TEX9: variants seen among roughly 807,000 people sequenced by gnomAD.
TEX9 encodes the protein testis expressed 9.
Under a neutral mutation model 59.6 loss-of-function variants are expected in TEX9, and 74 were observed. That is an observed-to-expected ratio of 1.24 (90% CI 1.03 to 1.51). TEX9 has a LOEUF of 1.51. Among genes scored for constraint, TEX9 ranks in the 40% most tolerant of loss-of-function variants. The probability of loss-of-function intolerance (pLI) is 0.00; values close to 1 mark genes in which losing one functional copy is unlikely to be tolerated. For synonymous variants in TEX9, 186 were observed against 152.2 expected, an observed-to-expected ratio of 1.22 and a Z score of -1.64; for missense variants, 522 against 447.8, an observed-to-expected ratio of 1.17 and a Z score of -1.49.
chr15:56,410,736 G>A (rs1267268775), intron 9 of TEX9, among the ~76,000 whole-genome samples: 3 of 152,176 alleles, frequency 2.0e-5, no homozygotes, highest in Non-Finnish European at 2.9e-5. Flanking sequence ...AGGTTACAAA[G>A]TCATCAGCAG....
intron 2 of TEX9, chr15:56,365,921 A>G: frequency 2.3e-6 from 3 of 1,320,314 alleles, no homozygotes; most frequent in Non-Finnish European, 2.9e-6. Context: ...TTTAAAACGT[A>G]GCCCAAGTAA....
chr15:56,335,865 T>G (rs1372776793), intron 1 of TEX9, among the ~76,000 whole-genome samples: 7 of 152,300 alleles, frequency 4.6e-5, no homozygotes, highest in Non-Finnish European at 1.5e-5. Context: ...TTCTTCATAG[T>G]TTAGAAATAT....
intron 10 of TEX9, among the ~76,000 whole-genome samples, chr15:56,425,852 G>C (rs1165412527): frequency 1.3e-5 from 2 of 152,104 alleles, no homozygotes; most frequent in African/African-American, 4.8e-5. Flanking sequence ...CAGACTGGCT[G>C]CATGCAAGCA....
At position 56,365,465 on chromosome 15, in the gene TEX9, T is replaced by G. The variant is rs774130490; in HGVS notation, c.15T>G (p.Ser5Arg). ...AGTCGCCGAAGATGGCGGGGCGAAG[T>G]CTGTGTCTCACGGTCAGTTCAACTC... The change falls in exon 1 of 13, where the codon AGT (serine) becomes AGG (arginine). Residue 5 changes from serine to arginine, a missense_variant. By Grantham distance (110) the Ser-to-Arg change is moderately radical. Coordinates refer to ENST00000352903, the Ensembl canonical transcript of TEX9. The G allele has an allele frequency of 1.9e-6, 3 of 1,613,350 alleles. No individual in the cohort carries two copies. Among genetic ancestry groups the G allele is most frequent in the African/African-American group, 2.7e-5 (2 of 74,858 alleles).
At chr15:56,362,020 C>A (rs543566414), upstream of TEX9, among the ~76,000 whole-genome samples, 3 of 152,242 alleles carry the variant, frequency 2.0e-5, no homozygotes, top group East Asian at 5.8e-4. Context: ...TACAGCTACC[C>A]TAAACTATAT....
At chr15:56,338,770 T>C (rs1006522753) in intron 1 of TEX9, among the ~76,000 whole-genome samples, 3 of 151,636 alleles carry the variant, frequency 2.0e-5, no homozygotes, top group Admixed American at 1.3e-4. Context: ...TACAAAAAAT[T>C]AGCTGGGCAT....
intron 1 of TEX9, among the ~76,000 whole-genome samples, chr15:56,277,994 T>C (rs2044716805): frequency 6.6e-6 from 1 of 152,180 alleles, no homozygotes; most frequent in South Asian, 2.1e-4. Flanking sequence ...ATTTCTTTGG[T>C]TTCCCCTTTC....
At chr15:56,393,499 TATA>T (rs1469250645) in intron 7 of TEX9, among the ~76,000 whole-genome samples, 1 of 152,196 alleles carries the variant, frequency 6.6e-6, no homozygotes, top group Non-Finnish European at 1.5e-5. Context: ...AGGGTTGTTT[TATA>T]ATATTCCTAC....
In TEX9 at chr15:56,421,856, C is replaced by T. The variant is rs1596230288; in HGVS notation, c.964-5749C>T. On this transcript the variant is annotated intron_variant, in intron 10 of 12. Coordinates refer to ENST00000352903, the Ensembl canonical transcript of TEX9. The stretch of plus-strand genomic sequence containing the variant: ...GTATATGTACCACATTTTCTTAATT[C>T]AGTCTATCATTGTTGGACATTTGGG... The T allele has an allele frequency of 2.0e-5, 3 of 151,532 alleles. No individual in the cohort carries two copies. In the South Asian group the frequency reaches 6.2e-4, roughly 32 times the overall value. The allele number at this position is 151,532 out of a possible 1,614,324, so 9.4% of individuals were successfully genotyped here. A position where few individuals can be genotyped will look rare whatever the true frequency, so the allele number is the denominator to read the frequency against.
intron 1 of TEX9, among the ~76,000 whole-genome samples, chr15:56,325,731 A>G (rs1027546004): frequency 6.6e-6 from 1 of 152,232 alleles, no homozygotes; most frequent in East Asian, 1.9e-4. Flanking sequence ...CACATATAAT[A>G]TTTGAAATGC....
chr15:56,365,012 C>T (rs1036159822), upstream of TEX9, among the ~76,000 whole-genome samples: 1 of 152,258 alleles, frequency 6.6e-6, no homozygotes, highest in Admixed American at 6.5e-5. Flanking sequence ...GAGTCTTAGC[C>T]ATGCATGCTG....
At chr15:56,426,604 TATATATATATATATATATATATAC>T (rs2050273673) in intron 10 of TEX9, among the ~76,000 whole-genome samples, 1 of 29,014 alleles carries the variant, frequency 3.4e-5, no homozygotes, top group Admixed American at 3.2e-4. Flanking sequence ...TATATATATA[TATATATATATATATATATATATAC>T]ACACACACAA....
intron 1 of TEX9, among the ~76,000 whole-genome samples, chr15:56,278,710 T>C (rs2141441354): frequency 6.6e-6 from 1 of 152,248 alleles, no homozygotes; most frequent in African/African-American, 2.4e-5. Flanking sequence ...GGCCCAAAAC[T>C]CAGTAAATAT....
chr15:56,448,373 G>T (rs1233596199), downstream of TEX9, among the ~76,000 whole-genome samples: 1 of 152,124 alleles, frequency 6.6e-6, no homozygotes, highest in East Asian at 1.9e-4. Context: ...CAAATGGGTT[G>T]TTTTTTAACC....
intron 1 of TEX9, among the ~76,000 whole-genome samples, chr15:56,356,435 T>A (rs1199599134): frequency 6.6e-6 from 1 of 152,176 alleles, no homozygotes; most frequent in Non-Finnish European, 1.5e-5. Context: ...GTTTATCATC[T>A]TGTTTGCTCA....
chr15:56,341,517 A>T (rs1243292445), intron 1 of TEX9, among the ~76,000 whole-genome samples: 1 of 152,102 alleles, frequency 6.6e-6, no homozygotes, highest in Non-Finnish European at 1.5e-5. Context: ...CCTAATACTG[A>T]TGTGTCATTG....
chr15:56,364,466 C>CTT (rs55845567), upstream of TEX9, among the ~76,000 whole-genome samples: 2,445 of 139,562 alleles, frequency 0.018, 24 homozygotes, highest in Non-Finnish European at 0.024. Context: ...TTTTTCTTTT[C>CTT]TTTTTTTTTT....
chr15:56,317,037 T>C (rs1164856815), intron 1 of TEX9, among the ~76,000 whole-genome samples: 1 of 152,138 alleles, frequency 6.6e-6, no homozygotes, highest in Non-Finnish European at 1.5e-5. Flanking sequence ...CCCACTGACC[T>C]GCGCCCACTG....
chr15:56,311,674 G>A (rs200918196), intron 1 of TEX9, among the ~76,000 whole-genome samples: 6,369 of 145,506 alleles, frequency 0.044, 193 homozygotes, highest in East Asian at 0.32. Flanking sequence ...TGGGATGGCT[G>A]GGTCAAATGG....
Sources: allele counts gnomAD v4.1 joint callset (sites outside exome capture counted in the v4.1 genomes callset), GRCh38; gene constraint gnomAD v4.1.1; transcripts MANE v1.5; gene names NCBI Gene and HGNC (gene_info 2026-07-23, HGNC 2026-07-21).